Variants in TAPBP observed in about 807,000 individuals in gnomAD.
The protein encoded by TAPBP is tapasin.
In TAPBP, 38 loss-of-function variants were observed where a neutral mutation model predicts 45.7. The ratio of observed to expected loss-of-function variants is 0.83; its 90% CI spans 0.64 to 1.09. TAPBP has a LOEUF of 1.09. Ranked by LOEUF, TAPBP falls within the 50% of genes least tolerant of loss-of-function variation. TAPBP has a pLI of 0.00. For missense variants in TAPBP, 513 were observed against 587.3 expected (o/e 0.87, Z 1.31); for synonymous variants, 226 against 254.8 (o/e 0.89, Z 1.08).
intron 3 of TAPBP, among the ~76,000 whole-genome samples, chr6:33,308,867 A>G (rs1271312122): frequency 6.6e-6 from 1 of 152,124 alleles, no homozygotes; most frequent in Non-Finnish European, 1.5e-5. Flanking sequence ...CTCCATGTAC[A>G]TGAAGGTCAC....
At position 33,300,586 on chromosome 6, in the gene TAPBP, G is replaced by C. The variant is rs1176942608; in HGVS notation, c.*1174C>G. 6.6e-6 allele frequency: 1 copy of C among 152,032 alleles called. No individual in the cohort carries two copies. Among genetic ancestry groups the C allele is most frequent in the African/African-American group, 2.4e-5 (1 of 41,334 alleles). 9.4% of individuals were successfully genotyped at this position (152,032 alleles called of 1,614,324 possible). ...TGAGGCAGGAGAATGGCGTGAACCC[G>C]GGAGGCGGAGCGTGCCGTGAGCCGA... On this transcript the variant is annotated 3_prime_UTR_variant, in exon 8 of 8. Coordinates refer to ENST00000434618, the MANE Select transcript of TAPBP (RefSeq NM_003190.5).
In TAPBP at chr6:33,300,899, G is replaced by A. The variant is rs1768519962; in HGVS notation, c.*861C>T. ...GAGAATGGCGTGAACCCGAGAGGCG[G>A]AGCTTGCAGTGAGCCGAGATCGCGC... is the stretch of plus-strand genomic sequence containing the variant. On this transcript the variant is annotated 3_prime_UTR_variant, in exon 8 of 8. Coordinates refer to ENST00000434618, the MANE Select transcript of TAPBP (RefSeq NM_003190.5). 6.7e-6 allele frequency: 1 copy of A among 150,298 alleles called. No homozygotes were observed. Among genetic ancestry groups the A allele is most frequent in the Non-Finnish European group, 1.5e-5 (1 of 67,730 alleles). 9.3% of individuals were successfully genotyped at this position (150,298 alleles called of 1,614,324 possible). A position where few individuals can be genotyped will look rare whatever the true frequency, so the allele number is the denominator to read the frequency against.
Position 33,301,776 on chromosome 6 carries a change from A to G in TAPBP, c.1336-5T>C. 1 of 1,614,138 alleles carries G rather than the reference A, an allele frequency of 6.2e-7. No homozygotes were observed. Among genetic ancestry groups the G allele is most frequent in the Non-Finnish European group, 8.5e-7 (1 of 1,180,002 alleles). On this transcript the variant is annotated splice_polypyrimidine_tract_variant and splice_region_variant and intron_variant, in intron 7 of 7. Transcript: ENST00000434618. ...TGAGTGCCCTCACTCTGCTTTCTGGAAGAGAGGAAGGTGGTGAGGAATTCA... is the reference window on the plus strand; with the variant it reads ...TGAGTGCCCTCACTCTGCTTTCTGGGAGAGAGGAAGGTGGTGAGGAATTCA...
chr6:33,303,570 T>C (rs892592453), intron 7 of TAPBP: 2 of 697,980 alleles, frequency 2.9e-6, no homozygotes, highest in Non-Finnish European at 4.6e-6. Flanking sequence ...CAAAAACACT[T>C]CTGACCCAAG....
intron 3 of TAPBP, among the ~76,000 whole-genome samples, chr6:33,311,042 C>T (rs1031213625): frequency 2.6e-5 from 4 of 152,168 alleles, no homozygotes; most frequent in Non-Finnish European, 2.9e-5. Flanking sequence ...GCAGGCCGGG[C>T]GTGGTGGCTC....
chr6:33,309,599 CTTTT>C (rs759356578), intron 3 of TAPBP, among the ~76,000 whole-genome samples: 1 of 91,472 alleles, frequency 1.1e-5, no homozygotes, highest in Non-Finnish European at 2.0e-5. Context: ...CAGTTTAACT[CTTTT>C]TTTTTTTTTT....
At chr6:33,307,484 C>T (rs1349902201) in intron 3 of TAPBP, among the ~76,000 whole-genome samples, 2 of 146,890 alleles carry the variant, frequency 1.4e-5, no homozygotes, top group Admixed American at 1.4e-4. Context: ...TCACTGCAAC[C>T]TCTGCCTCCC....
At position 33,313,204 on chromosome 6, in the gene TAPBP, C is replaced by G; in HGVS notation, c.469+13G>C. ...AATCTACCCACCCTTCTCCACCTCCCCTCCCCAGCTACCTGTTGCCATGGT... is the reference window on the plus strand; with the variant it reads ...AATCTACCCACCCTTCTCCACCTCCGCTCCCCAGCTACCTGTTGCCATGGT... On this transcript the variant is annotated intron_variant, in intron 3 of 7. Transcript: ENST00000434618. The surrounding 1 kb of genome is among the most constrained non-coding windows in gnomAD (Gnocchi z 7.2). The G allele has an allele frequency of 6.3e-7, 1 of 1,599,666 alleles. No homozygotes were observed.
At chr6:33,304,023 G>A in intron 6 of TAPBP, 34 bp from the exon 7 acceptor site, 1 of 1,613,662 alleles carries the variant, frequency 6.2e-7, no homozygotes, top group Non-Finnish European at 8.5e-7. Flanking sequence ...ATGGGATGCT[G>A]GAGTGGTAGA....
chr6:33,302,570 G>C (rs1477990500), intron 7 of TAPBP, among the ~76,000 whole-genome samples: 1 of 147,778 alleles, frequency 6.8e-6, no homozygotes, highest in African/African-American at 2.5e-5. Context: ...CAGGTGATCC[G>C]CCCTCCTCAG....
Position 33,301,593 on chromosome 6 carries a change from A to G in TAPBP, c.*167T>C, listed in dbSNP as rs2150955537. On this transcript the variant is annotated 3_prime_UTR_variant, in exon 8 of 8. Transcript: ENST00000434618. Reference sequence around the variant, plus strand: ...CGTCTCAAAAAAAAAAAAAAAAGAAAAATTATCCCTTATATAAGTGAAAGA... The same window carrying G: ...CGTCTCAAAAAAAAAAAAAAAAGAAGAATTATCCCTTATATAAGTGAAAGA... 1.5e-6 allele frequency: 1 copy of G among 645,194 alleles called. No homozygotes were observed. The highest frequency in any genetic ancestry group is 1.8e-5 in the African/African-American group (1 of 54,094). 40.0% of individuals were successfully genotyped at this position (645,194 alleles called of 1,614,324 possible). A position where few individuals can be genotyped will look rare whatever the true frequency, so the allele number is the denominator to read the frequency against.
At position 33,304,170 on chromosome 6, in the gene TAPBP, C is replaced by G; in HGVS notation, c.1258G>C (p.Ala420Pro). The change falls in exon 6 of 8, where the codon GCC becomes CCC. Residue 420 changes from alanine to proline, a missense_variant. Transcript: ENST00000434618. ...LEDSVGLFLS[A>P]FLLLGLFKAL... ...TTGAAGAGCCCAAGCAGAAGAAAGG[C>G]AGACAGGAAAAGGCCTACGCTGTCC... The G allele has an allele frequency of 6.2e-7, 1 of 1,613,522 alleles. No individual in the cohort carries two copies. Among genetic ancestry groups the G allele is most frequent in the Non-Finnish European group, 8.5e-7 (1 of 1,179,874 alleles).
intron 7 of TAPBP, among the ~76,000 whole-genome samples, chr6:33,303,137 C>T (rs1364424629): frequency 1.3e-5 from 2 of 151,798 alleles, no homozygotes; most frequent in Non-Finnish European, 2.9e-5. Context: ...ATATTGTGGT[C>T]GGGTGCAGCG....
At chr6:33,308,674 C>T (rs1311590079) in intron 3 of TAPBP, among the ~76,000 whole-genome samples, 2 of 152,146 alleles carry the variant, frequency 1.3e-5, no homozygotes, top group Non-Finnish European at 2.9e-5. Flanking sequence ...CCAAGGACGG[C>T]TTGGAATACA....
At position 33,313,240 on chromosome 6, in the gene TAPBP, G is replaced by A. The variant is rs759758358; in HGVS notation, c.446C>T (p.Pro149Leu). ...LRPQPEPQQE[P>L]VLITMATVVL... is the part of the protein sequence containing the mutation. Reference sequence around the variant, plus strand: ...ACCTGTTGCCATGGTGATGAGAACAGGCTCCTGCTGAGGCTCTGGCTGTGG... The same window carrying A: ...ACCTGTTGCCATGGTGATGAGAACAAGCTCCTGCTGAGGCTCTGGCTGTGG... The change falls in exon 3 of 8, where the codon CCT becomes CTT. Residue 149 changes from proline (P) to leucine (L), a missense_variant. Coordinates refer to ENST00000434618, the MANE Select transcript of TAPBP (RefSeq NM_003190.5). The surrounding 1 kb of genome is among the most constrained non-coding windows in gnomAD (Gnocchi z 7.2). 3.1e-6 allele frequency: 5 copies of A among 1,613,960 alleles called. No homozygotes were observed. Among genetic ancestry groups the A allele is most frequent in the South Asian group, 1.1e-5 (1 of 91,072 alleles).
chr6:33,303,838 T>G (rs1244116868), intron 7 of TAPBP, 117 bp downstream of exon 7: 1 of 1,603,102 alleles, frequency 6.2e-7, no homozygotes. Context: ...CCCAGATCAG[T>G]GTGAATTCCA....
At position 33,304,127 on chromosome 6, in the gene TAPBP, C is replaced by A; in HGVS notation, c.1300+1G>T. 1.2e-6 allele frequency: 2 copies of A among 1,612,930 alleles called. No individual in the cohort carries two copies. Among genetic ancestry groups the A allele is most frequent in the Non-Finnish European group, 1.7e-6 (2 of 1,179,576 alleles). Reference sequence around the variant, plus strand: ...ATGGTCAGGGTAGGGCTGACACTTACCAGCCCAGCCCAGTGCCTTGAAGAG... The same window carrying A: ...ATGGTCAGGGTAGGGCTGACACTTAACAGCCCAGCCCAGTGCCTTGAAGAG... On this transcript the variant is annotated splice_donor_variant, in intron 6 of 7. Coordinates refer to ENST00000434618, the MANE Select transcript of TAPBP (RefSeq NM_003190.5). LOFTEE classifies it high-confidence loss of function.
At chr6:33,302,144 CTT>C (rs70996762) in intron 7 of TAPBP, among the ~76,000 whole-genome samples, 233 of 118,640 alleles carry the variant, frequency 2.0e-3, no homozygotes, top group African/African-American at 4.1e-3. Context: ...TCTTTTCTTT[CTT>C]TTTTTTTTTT....
chr6:33,311,049 G>T (rs1769308300), intron 3 of TAPBP, among the ~76,000 whole-genome samples: 1 of 152,174 alleles, frequency 6.6e-6, no homozygotes, highest in African/African-American at 2.4e-5. Context: ...GGGCGTGGTG[G>T]CTCATGCCTG....
Sources: gnomAD v4.1 joint callset for allele counts (sites outside exome capture counted in the v4.1 genomes callset) on GRCh38, gnomAD v4.1.1 for gene constraint, Gnocchi (gnomAD v3.1) non-coding constraint, MANE v1.5 for transcripts, NCBI Gene and HGNC (gene_info 2026-07-23, HGNC 2026-07-21) for gene names.